ZSCAN4: variants seen among roughly 807,000 people sequenced by gnomAD.
The protein encoded by ZSCAN4 is zinc finger and SCAN domain containing 4, also known as zinc finger and SCAN domain-containing protein 4.
In ZSCAN4, 18 loss-of-function variants were observed where a neutral mutation model predicts 18.3. The observed-to-expected ratio is 0.98, with a 90% confidence interval of 0.68 to 1.46. The LOEUF (loss-of-function observed/expected upper bound fraction) is 1.46, where lower values mean the gene tolerates loss of function less well. Ranked by LOEUF, ZSCAN4 falls within the 40% of genes most tolerant of loss-of-function variation. The pLI, the probability that ZSCAN4 is intolerant of heterozygous loss-of-function variation, is 0.00. For synonymous variants in ZSCAN4, 193 were observed against 180.3 expected (o/e 1.07, Z -0.57); for missense variants, 498 against 511.4 (o/e 0.97, Z 0.25).
At chr19:57,658,341 T>G in the ZSCAN4 span, among the ~76,000 whole-genome samples, 1 of 152,200 alleles carries the variant, frequency 6.6e-6, no homozygotes, top group Non-Finnish European at 1.5e-5. Context: ...AGGGGCGGAC[T>G]GCAAAGGGCA....
At chr19:57,666,920 A>T (rs371578341), upstream of ZSCAN4, among the ~76,000 whole-genome samples, 2 of 129,052 alleles carry the variant, frequency 1.5e-5, no homozygotes, top group South Asian at 2.4e-4. Flanking sequence ...TTATTATTCT[A>T]ATTGAAATCA....
the ZSCAN4 span, among the ~76,000 whole-genome samples, chr19:57,654,749 T>A: frequency 6.6e-6 from 1 of 152,190 alleles, no homozygotes; most frequent in Admixed American, 6.5e-5. Context: ...GACACCTTTT[T>A]TCACCATCCC....
At chr19:57,660,148 T>G in the ZSCAN4 span, among the ~76,000 whole-genome samples, 1 of 152,204 alleles carries the variant, frequency 6.6e-6, no homozygotes, top group African/African-American at 2.4e-5. Context: ...ACTCATGCTT[T>G]TCAAGTAAGT....
chr19:57,665,858 A>G (rs111282247), upstream of ZSCAN4, among the ~76,000 whole-genome samples: 3,358 of 152,172 alleles, frequency 0.022, 133 homozygotes, highest in African/African-American at 0.076. Flanking sequence ...GTTGTGGTAA[A>G]CCGAGATCGT....
upstream of ZSCAN4, among the ~76,000 whole-genome samples, chr19:57,666,377 G>A (rs150497618): frequency 7.9e-3 from 1,210 of 152,230 alleles, 9 homozygotes; most frequent in Non-Finnish European, 0.012. Flanking sequence ...TTTAGCTAAT[G>A]GAGTGGTGCG....
the ZSCAN4 span, among the ~76,000 whole-genome samples, chr19:57,655,719 G>C: frequency 6.6e-6 from 1 of 151,886 alleles, no homozygotes; most frequent in Non-Finnish European, 1.5e-5. Context: ...TCTCAACCCA[G>C]CCACCCTCTT....
In ZSCAN4 at chr19:57,671,510, A is replaced by G. The variant is rs73064600; in HGVS notation, c.-106+943A>G. Among the ~76,000 whole-genome samples, 385 of 146,634 alleles carry G rather than the reference A, an allele frequency of 2.6e-3. 4 individuals are homozygous for G. The highest frequency in any genetic ancestry group is 7.8e-3 in the African/African-American group (308 of 39,726). On this transcript the variant is annotated intron_variant, in intron 2 of 4. Transcript: ENST00000318203. ...GGGTTCCACAGGAAAAAAAAAAAAA[A>G]AGAGAGAGAGAGAGACCAATGTCCC...
exon 5 of ZSCAN4, chr19:57,678,859 A>G (rs755724911): frequency 1.2e-6 from 2 of 1,611,760 alleles, no homozygotes; most frequent in African/African-American, 2.7e-5. Context: ...AGGACTCATG[A>G]GAAAATTACC....
chr19:57,669,586 C>T (rs1285056044), intron 1 of ZSCAN4, among the ~76,000 whole-genome samples: 1 of 151,942 alleles, frequency 6.6e-6, no homozygotes, highest in Non-Finnish European at 1.5e-5. Flanking sequence ...GCCACTACGC[C>T]TGGCTAATTT....
chr19:57,675,141 CTTTTTTT>C (rs1171741360), intron 2 of ZSCAN4, among the ~76,000 whole-genome samples: 241 of 78,072 alleles, frequency 3.1e-3, no homozygotes, highest in Admixed American at 5.2e-3. Context: ...GTGCGTGTGG[CTTTTTTT>C]TTTTTTTTTT....
the ZSCAN4 span, among the ~76,000 whole-genome samples, chr19:57,658,817 G>A: frequency 7.3e-6 from 1 of 136,062 alleles, no homozygotes. Flanking sequence ...CTGGGCAGCA[G>A]AGTGAGACTG....
At chr19:57,673,847 A>G (rs984754638) in intron 2 of ZSCAN4, among the ~76,000 whole-genome samples, 1 of 152,042 alleles carries the variant, frequency 6.6e-6, no homozygotes, top group African/African-American at 2.4e-5. Flanking sequence ...TCTGCTTCCC[A>G]AGTTCAACCC....
At chr19:57,661,260 C>A in the ZSCAN4 span, among the ~76,000 whole-genome samples, 1 of 152,156 alleles carries the variant, frequency 6.6e-6, no homozygotes, top group Non-Finnish European at 1.5e-5. Context: ...ACAACCTCAA[C>A]CTAAGGAAGG....
intron 3 of ZSCAN4, among the ~76,000 whole-genome samples, chr19:57,677,434 T>G (rs1269974784): frequency 1.3e-5 from 2 of 152,158 alleles, no homozygotes; most frequent in African/African-American, 4.8e-5. Flanking sequence ...TTTTTTTGCT[T>G]TTTATTGATA....
At chr19:57,678,406 T>C (rs764357991) in exon 5 of ZSCAN4, 2 of 1,614,038 alleles carry the variant, frequency 1.2e-6, no homozygotes, top group African/African-American at 1.3e-5. Flanking sequence ...GGTGTCCCTA[T>C]GGTGATGGGA....
the ZSCAN4 span, among the ~76,000 whole-genome samples, chr19:57,662,120 GTAA>G: frequency 2.7e-5 from 4 of 150,268 alleles, no homozygotes; most frequent in Non-Finnish European, 4.4e-5. Context: ...ACTGCCAATT[GTAA>G]ATTTGTAAAT....
chr19:57,676,624 T>C (rs566800488), intron 3 of ZSCAN4, 83 bp downstream of exon 3: 266 of 1,469,188 alleles, frequency 1.8e-4, no homozygotes, highest in Middle Eastern at 1.5e-3. Context: ...TGTCTGGAAG[T>C]TAGAGAAGCT....
chr19:57,677,057 T>G (rs1454715151), intron 3 of ZSCAN4, among the ~76,000 whole-genome samples: 1 of 152,162 alleles, frequency 6.6e-6, no homozygotes, highest in Non-Finnish European at 1.5e-5. Flanking sequence ...GGATTACAGG[T>G]GTGAGACCAG....
chr19:57,657,293 C>CAAAAAAAAAAAAAAAAAA, the ZSCAN4 span, among the ~76,000 whole-genome samples: 1 of 95,046 alleles, frequency 1.1e-5, no homozygotes, highest in Non-Finnish European at 2.3e-5. Flanking sequence ...GACTCCATGT[C>CAAAAAAAAAAAAAAAAAA]AAAAAAAAAA....
Sources: gnomAD v4.1 joint callset for allele counts (sites outside exome capture counted in the v4.1 genomes callset) on GRCh38, gnomAD v4.1.1 for gene constraint, MANE v1.5 for transcripts, NCBI Gene and HGNC (gene_info 2026-07-23, HGNC 2026-07-21) for gene names.